The following RER1 variants were observed in gnomAD, a reference collection of about 807,000 sequenced individuals.
RER1 encodes the protein protein RER1.
Under a neutral mutation model 28.3 loss-of-function variants are expected in RER1, and 6 were observed. That is an observed-to-expected ratio of 0.21 (90% CI 0.12 to 0.42). The LOEUF is 0.42. Ranked by LOEUF, RER1 falls within the 10% of genes least tolerant of loss-of-function variation. The probability of loss-of-function intolerance (pLI) is 1.00; values close to 1 mark genes in which losing one functional copy is unlikely to be tolerated. For missense variants in RER1, 159 were observed against 252.9 expected (o/e 0.63, Z 2.52); for synonymous variants, 110 against 95.9 (o/e 1.15, Z -0.86).
rs753162415 is a variant in RER1 at position 2,403,309 on chromosome 1, A to G, written c.*185A>G. The stretch of plus-strand genomic sequence containing the variant: ...GAAACTGGCGCTTAAACCAAATCGC[A>G]TGGATTTCTTTTTCAGTGACGTTCA... On this transcript the variant is annotated 3_prime_UTR_variant, in exon 7 of 7. Coordinates refer to ENST00000605895, the MANE Select transcript of RER1 (RefSeq NM_007033.5). 1.1e-5 allele frequency: 6 copies of G among 559,622 alleles called. No individual in the cohort carries two copies. Among genetic ancestry groups the G allele is most frequent in the Non-Finnish European group, 1.9e-5 (6 of 310,652 alleles). 34.7% of individuals were successfully genotyped at this position (559,622 alleles called of 1,614,324 possible).
In RER1 at chr1:2,404,211, A is replaced by C. The variant is rs1642922340; in HGVS notation, c.*1087A>C. 1 of 152,306 alleles carries C rather than the reference A, an allele frequency of 6.6e-6. No individual in the cohort carries two copies. The highest frequency in any genetic ancestry group is 6.5e-5 in the Admixed American group (1 of 15,298). 9.4% of individuals were successfully genotyped at this position (152,306 alleles called of 1,614,324 possible). The stretch of plus-strand genomic sequence containing the variant: ...TTCCTGTCTCAGAATTGACACGGTG[A>C]ATGCTTAGTGTCTGGATTTTCTTGT... On this transcript the variant is annotated 3_prime_UTR_variant, in exon 7 of 7. Transcript: ENST00000605895.
Position 2,398,596 on chromosome 1 carries a change from C to T in RER1, c.187-819C>T, listed in dbSNP as rs190738541. Among the ~76,000 whole-genome samples, 258 of 152,338 alleles carry T rather than the reference C, an allele frequency of 1.7e-3. 1 individual carries two copies. Among genetic ancestry groups the T allele is most frequent in the African/African-American group, 5.7e-3 (236 of 41,574 alleles). On this transcript the variant is annotated intron_variant, in intron 3 of 6. Transcript: ENST00000605895. ...TAGAGACGAGGTTTCACCATGTTGG[C>T]CAGGCTGGTCTTGAACTCCTGACCT... is the stretch of plus-strand genomic sequence containing the variant.
In RER1 at chr1:2,403,325, G is replaced by C. The variant is rs1255461802; in HGVS notation, c.*201G>C. On this transcript the variant is annotated 3_prime_UTR_variant, in exon 7 of 7. Transcript: ENST00000605895. Reference sequence around the variant, plus strand: ...CCAAATCGCATGGATTTCTTTTTCAGTGACGTTCAAGTGTTTCTCACGGAT... The same window carrying C: ...CCAAATCGCATGGATTTCTTTTTCACTGACGTTCAAGTGTTTCTCACGGAT... 1.9e-6 allele frequency: 1 copy of C among 532,872 alleles called. No homozygotes were observed. The highest frequency in any genetic ancestry group is 3.4e-6 in the Non-Finnish European group (1 of 294,102). The allele number at this position is 532,872 out of a possible 1,614,324, so 33.0% of individuals were successfully genotyped here.
At chr1:2,401,371 TTCCTCCCTCCTCCTCCCTCC>T (rs1321087469) in intron 5 of RER1, among the ~76,000 whole-genome samples, 6 of 4,362 alleles carry the variant, frequency 1.4e-3, no homozygotes, top group Non-Finnish European at 2.2e-3. Context: ...TCCTCCCTCC[TTCCTCCCTCCTCCTCCCTCC>T]TCCTCCCTCC....
rs1570075617 is a variant in RER1 at position 2,395,787 on chromosome 1, C to T, written c.-4C>T. 1 of 1,611,052 alleles carries T rather than the reference C, an allele frequency of 6.2e-7. No homozygotes were observed. Among genetic ancestry groups the T allele is most frequent in the Non-Finnish European group, 8.5e-7 (1 of 1,177,164 alleles). On this transcript the variant is annotated 5_prime_UTR_variant, in exon 2 of 7. Coordinates refer to ENST00000605895, the MANE Select transcript of RER1 (RefSeq NM_007033.5). ...GTATTTTGTGTTTTTCTCCCAGTTA[C>T]AGAATGTCTGAAGGGGACAGTGTGG...
At chr1:2,401,201 T>C (rs59940476) in intron 5 of RER1, among the ~76,000 whole-genome samples, 85,985 of 110,412 alleles carry the variant, frequency 0.78, 34,523 homozygotes, top group Non-Finnish European at 0.88. Context: ...GCAGGCCCTC[T>C]GTCCTCCCTC....
intron 5 of RER1, among the ~76,000 whole-genome samples, chr1:2,401,521 G>T (rs1642862640): frequency 6.7e-6 from 1 of 149,880 alleles, no homozygotes; most frequent in African/African-American, 2.5e-5. Context: ...AGGTGTCCGT[G>T]TCTGCACGGG....
At chr1:2,401,225 C>CTT (rs1642844217) in intron 5 of RER1, among the ~76,000 whole-genome samples, 1 of 124,190 alleles carries the variant, frequency 8.1e-6, no homozygotes, top group South Asian at 2.9e-4. Context: ...CTCCCTCCTC[C>CTT]TCCCTTCCTC....
chr1:2,400,549 G>T (rs1181031844), intron 4 of RER1, among the ~76,000 whole-genome samples: 6 of 152,172 alleles, frequency 3.9e-5, no homozygotes, highest in African/African-American at 1.4e-4. Flanking sequence ...ATGTTAATTT[G>T]CCTTTGTTTT....
intron 2 of RER1, 126 bp downstream of exon 2, chr1:2,395,997 TC>T: frequency 1.2e-5 from 9 of 755,366 alleles, no homozygotes; most frequent in Non-Finnish European, 2.1e-5. Flanking sequence ...GGCTCAAACT[TC>T]CTGAAGACAG....
intron 4 of RER1, among the ~76,000 whole-genome samples, chr1:2,400,636 C>T (rs549289592): frequency 1.1e-4 from 16 of 152,350 alleles, no homozygotes; most frequent in African/African-American, 3.4e-4. Context: ...GCATTGAAAA[C>T]GTGTGGAAGT....
chr1:2,398,128 A>C (rs1301505905), intron 3 of RER1, among the ~76,000 whole-genome samples: 1 of 152,160 alleles, frequency 6.6e-6, no homozygotes, highest in African/African-American at 2.4e-5. Flanking sequence ...TGCGTTCGAA[A>C]CCAAGCTCGT....
At chr1:2,392,896 C>T (rs1431132724) in intron 1 of RER1, among the ~76,000 whole-genome samples, 1 of 152,180 alleles carries the variant, frequency 6.6e-6, no homozygotes, top group Non-Finnish European at 1.5e-5. Context: ...GAGACGGGGT[C>T]TGGGAGGGCA....
intron 1 of RER1, chr1:2,395,403 C>CATT: frequency 3.7e-6 from 1 of 270,098 alleles, no homozygotes; most frequent in South Asian, 4.2e-5. Context: ...CCTGAGGGAT[C>CATT]CACAGAGGGT....
rs764319542 is a variant in RER1, at chr1:2,402,255, C to T, written c.414C>T (p.Phe138=). The T allele has an allele frequency of 1.7e-5, 28 of 1,614,206 alleles. No individual in the cohort carries two copies. Among genetic ancestry groups the T allele is most frequent in the South Asian group, 7.7e-5 (7 of 91,082 alleles). Residue 138 remains phenylalanine, a synonymous_variant, in exon 6 of 7, where the codon TTC becomes TTT. Transcript: ENST00000605895. The part of the protein sequence containing the change: ...GILVAMVCTF[F]DAFNVPVFWP... ...TTGTGGCTATGGTCTGTACTTTCTT[C>T]GACGCTTTCAACGTCCCGGTGTTCT...
In RER1 at chr1:2,402,251, T is replaced by A. The variant is rs758521390; in HGVS notation, c.410T>A (p.Phe137Tyr). ...KGILVAMVCT[F>Y]FDAFNVPVFW... ...ATCCTTGTGGCTATGGTCTGTACTT[T>A]CTTCGACGCTTTCAACGTCCCGGTG... Residue 137 changes from phenylalanine (F) to tyrosine (Y), a missense_variant, in exon 6 of 7, where the codon TTC becomes TAC. Physicochemically the swap from Phe to Tyr is conservative, Grantham distance 22 (BLOSUM62 3). Transcript: ENST00000605895. The A allele has an allele frequency of 1.2e-6, 2 of 1,614,236 alleles. No homozygotes were observed. Among genetic ancestry groups the A allele is most frequent in the Non-Finnish European group, 1.7e-6 (2 of 1,180,042 alleles).
rs1010158181 is a variant in RER1, at chr1:2,391,866, C to T, written c.-100C>T. The stretch of plus-strand genomic sequence containing the variant: ...AAGTGCTCGCTGCAGCTTCCCGGAG[C>T]CGGAGCGCAGCGCCTGCGGCCGCCC... On this transcript the variant is annotated 5_prime_UTR_variant, in exon 1 of 7. Transcript: ENST00000605895. 3.6e-5 allele frequency: 10 copies of T among 277,286 alleles called. No homozygotes were observed. The highest frequency in any genetic ancestry group is 2.1e-4 in the Admixed American group (4 of 18,642). 17.2% of individuals were successfully genotyped at this position (277,286 alleles called of 1,614,324 possible). A position where few individuals can be genotyped will look rare whatever the true frequency, so the allele number is the denominator to read the frequency against.
intron 2 of RER1, chr1:2,396,164 C>T (rs1408626384): frequency 1.9e-5 from 7 of 372,914 alleles, no homozygotes; most frequent in Non-Finnish European, 3.0e-5. Flanking sequence ...CAGATGCGGC[C>T]GTGGCTGCCG....
intron 3 of RER1, among the ~76,000 whole-genome samples, chr1:2,398,217 C>T (rs1038997661): frequency 6.6e-6 from 1 of 151,956 alleles, no homozygotes; most frequent in African/African-American, 2.4e-5. Context: ...TCACATCCGG[C>T]GTTCAGCCGA....
Sources: allele counts gnomAD v4.1 joint callset (sites outside exome capture counted in the v4.1 genomes callset), GRCh38; gene constraint gnomAD v4.1.1; transcripts MANE v1.5; gene names NCBI Gene and HGNC (gene_info 2026-07-23, HGNC 2026-07-21).